Variants in EYS observed in about 807,000 individuals in gnomAD.
The protein encoded by EYS is EGF-like photoreceptor maintenance factor.
EYS carries 250 observed loss-of-function variants against 282.1 expected under a neutral mutation model. The ratio of observed to expected loss-of-function variants is 0.89; its 90% CI spans 0.80 to 0.98. The LOEUF is 0.98. EYS is among the 50% of genes least tolerant of loss of function. The pLI is 0.00. For synonymous variants in EYS, 1,355 were observed against 1,282.9 expected, an observed-to-expected ratio of 1.06 and a Z score of -1.20; for missense variants, 4,016 against 3,709.0, an observed-to-expected ratio of 1.08 and a Z score of -2.15.
intron 5 of EYS, among the ~76,000 whole-genome samples, chr6:65,417,475 C>A (rs1171026732): frequency 1.3e-5 from 2 of 152,096 alleles, no homozygotes; most frequent in African/African-American, 4.8e-5. Flanking sequence ...AGCACACAAC[C>A]TATTGCAAGG....
At chr6:64,661,304 T>C (rs1370006229) in intron 22 of EYS, among the ~76,000 whole-genome samples, 1 of 152,112 alleles carries the variant, frequency 6.6e-6, no homozygotes, top group African/African-American at 2.4e-5. Context: ...ACCTAGGCAA[T>C]ACCATTCAGG....
chr6:64,249,063 C>CCAAAAAAAAAAAAAA (rs556152806), intron 30 of EYS, among the ~76,000 whole-genome samples: 2 of 70,060 alleles, frequency 2.9e-5, no homozygotes, highest in African/African-American at 1.4e-4. Flanking sequence ...CACCCTGTCT[C>CCAAAAAAAAAAAAAA]AAAAAAAAAA....
rs542625372 is a variant in EYS, at chr6:65,192,406, C to CT, written c.2023+103456dup. The stretch of plus-strand genomic sequence containing the variant: ...AAATTTTATGCACCAAATTTTATAT[C>CT]TTTTTCAAGAAAAATTGTAACTTCA... On this transcript the variant is annotated intron_variant, in intron 12 of 42. Coordinates refer to ENST00000503581, the MANE Select transcript of EYS (RefSeq NM_001142800.2). Among the ~76,000 whole-genome samples the CT allele has an allele frequency of 4.8e-4, 72 of 150,322 alleles. No homozygotes were observed. In the East Asian group the frequency reaches 0.013, roughly 28 times the overall value.
intron 31 of EYS, among the ~76,000 whole-genome samples, chr6:64,100,973 G>T (rs1168540921): frequency 6.6e-6 from 1 of 151,974 alleles, no homozygotes; most frequent in Admixed American, 6.6e-5. Flanking sequence ...TTTTGTTCAG[G>T]CACAAAGATC....
At chr6:65,078,692 G>A (rs377740117) in intron 12 of EYS, among the ~76,000 whole-genome samples, 3 of 151,830 alleles carry the variant, frequency 2.0e-5, no homozygotes, top group East Asian at 1.9e-4. Context: ...CATTTTCCAC[G>A]GCCAGTAAAA....
At chr6:65,565,716 A>T (rs1474042787) in intron 2 of EYS, among the ~76,000 whole-genome samples, 3 of 152,276 alleles carry the variant, frequency 2.0e-5, no homozygotes, top group African/African-American at 7.2e-5. Context: ...TATCAGTGAT[A>T]GGCTGGATAA....
At chr6:64,767,386 T>C (rs1364914122) in intron 22 of EYS, among the ~76,000 whole-genome samples, 2 of 152,098 alleles carry the variant, frequency 1.3e-5, no homozygotes, top group Non-Finnish European at 2.9e-5. Flanking sequence ...TTTCTAGCTG[T>C]AATTTTGTAT....
chr6:65,595,062 T>C (rs531908865), intron 2 of EYS, among the ~76,000 whole-genome samples: 119 of 152,078 alleles, frequency 7.8e-4, no homozygotes, highest in Non-Finnish European at 2.4e-4. Context: ...TTTTGGTTAG[T>C]GTAGCCTTGT....
At chr6:65,464,279 T>C (rs1390675574) in intron 5 of EYS, among the ~76,000 whole-genome samples, 3 of 152,140 alleles carry the variant, frequency 2.0e-5, no homozygotes, top group Non-Finnish European at 4.4e-5. Context: ...TTTGTAAGAT[T>C]AGATATACAA....
At chr6:65,193,564 T>C (rs1765694097) in intron 12 of EYS, among the ~76,000 whole-genome samples, 1 of 151,824 alleles carries the variant, frequency 6.6e-6, no homozygotes, top group Admixed American at 6.6e-5. Flanking sequence ...GAACAAGTTC[T>C]GTATATAAGC....
At chr6:63,943,181 A>G (rs910208393) in intron 35 of EYS, among the ~76,000 whole-genome samples, 44 of 152,230 alleles carry the variant, frequency 2.9e-4, no homozygotes, top group Non-Finnish European at 1.6e-4. Context: ...TGTAGAACCA[A>G]AAGTCTGGAT....
chr6:64,552,460 A>G (rs528384007), intron 26 of EYS, among the ~76,000 whole-genome samples: 8 of 152,264 alleles, frequency 5.3e-5, no homozygotes, highest in African/African-American at 1.2e-4. Flanking sequence ...AAGTTTGACA[A>G]GAAACATTTA....
intron 41 of EYS, among the ~76,000 whole-genome samples, chr6:63,727,737 A>AAAAAAAATATATAT (rs1554164607): frequency 2.7e-5 from 1 of 36,738 alleles, no homozygotes; most frequent in African/African-American, 2.7e-4. Context: ...AAAAAAAAAA[A>AAAAAAAATATATAT]ATATATATAT....
At chr6:64,978,290 A>AT (rs1432041459) in intron 14 of EYS, among the ~76,000 whole-genome samples, 3 of 151,898 alleles carry the variant, frequency 2.0e-5, no homozygotes, top group African/African-American at 2.4e-5. Flanking sequence ...ATTATGCTAG[A>AT]TCCAGTCTTC....
intron 7 of EYS, among the ~76,000 whole-genome samples, chr6:65,390,246 CA>C (rs1178796348): frequency 6.7e-6 from 1 of 150,122 alleles, no homozygotes; most frequent in African/African-American, 2.5e-5. Flanking sequence ...CCAAAGTTAT[CA>C]AAAAATATGA....
At chr6:63,961,559 G>A (rs895836301) in intron 35 of EYS, among the ~76,000 whole-genome samples, 4 of 151,930 alleles carry the variant, frequency 2.6e-5, no homozygotes, top group Non-Finnish European at 4.4e-5. Flanking sequence ...CTGCACCCAC[G>A]TGAAATAAAC....
chr6:63,747,700 A>G (rs765086313), intron 41 of EYS, among the ~76,000 whole-genome samples: 1 of 152,014 alleles, frequency 6.6e-6, no homozygotes, highest in Non-Finnish European at 1.5e-5. Flanking sequence ...CCATTATGTA[A>G]TGTCCTTTTT....
intron 26 of EYS, among the ~76,000 whole-genome samples, chr6:64,453,933 A>G (rs953765023): frequency 6.6e-6 from 1 of 152,136 alleles, no homozygotes; most frequent in Non-Finnish European, 1.5e-5. Flanking sequence ...TGTGCAGCAC[A>G]CCAACTTGGC....
intron 41 of EYS, chr6:63,744,297 T>A (rs1470918030): frequency 3.3e-5 from 5 of 152,164 alleles, no homozygotes; most frequent in African/African-American, 1.2e-4. Context: ...AAAAGGACAC[T>A]GTTTTATCTT....
Sources: allele counts gnomAD v4.1 joint callset (sites outside exome capture counted in the v4.1 genomes callset), GRCh38; gene constraint gnomAD v4.1.1; transcripts MANE v1.5; gene names NCBI Gene and HGNC (gene_info 2026-07-23, HGNC 2026-07-21).